Variants in SOS2 observed in about 807,000 individuals in gnomAD.
SOS2 encodes son of sevenless homolog 2.
Under a neutral mutation model 148.2 loss-of-function variants are expected in SOS2, and 65 were observed. That is an observed-to-expected ratio of 0.44 (90% CI 0.36 to 0.54). SOS2 has a LOEUF of 0.54. Among genes scored for constraint, SOS2 ranks in the 20% least tolerant of loss-of-function variants. The probability of loss-of-function intolerance (pLI) is 0.00; values close to 1 mark genes in which losing one functional copy is unlikely to be tolerated. For synonymous variants in SOS2, 539 were observed against 537.1 expected, an observed-to-expected ratio of 1.00 and a Z score of -0.05; for missense variants, 1,341 against 1,590.2, an observed-to-expected ratio of 0.84 and a Z score of 2.67.
At chr14:50,212,432 C>T (rs1489672544) in intron 1 of SOS2, among the ~76,000 whole-genome samples, 1 of 152,190 alleles carries the variant, frequency 6.6e-6, no homozygotes, top group Non-Finnish European at 1.5e-5. Flanking sequence ...AAAGATCATG[C>T]CACTGCACTC....
At chr14:50,149,966 G>T in intron 14 of SOS2, 42 bp downstream of exon 14, 1 of 1,353,544 alleles carries the variant, frequency 7.4e-7, no homozygotes, top group Non-Finnish European at 1.1e-6. Context: ...TAATGTTCAA[G>T]ATTCTTAAAA....
At chr14:50,174,427 C>G in intron 8 of SOS2, 27 bp downstream of exon 8, 10 of 1,303,360 alleles carry the variant, frequency 7.7e-6, no homozygotes, top group Non-Finnish European at 1.1e-5. Context: ...TAGATAAGTA[C>G]TTTGAGATTC....
At chr14:50,170,587 C>T (rs551706767) in intron 8 of SOS2, among the ~76,000 whole-genome samples, 7 of 151,932 alleles carry the variant, frequency 4.6e-5, no homozygotes, top group East Asian at 3.9e-4. Flanking sequence ...GTGGGAGGGT[C>T]GCCTGAGCCC....
chr14:50,165,288 C>T (rs944482345), intron 8 of SOS2, among the ~76,000 whole-genome samples: 2 of 152,032 alleles, frequency 1.3e-5, no homozygotes, highest in African/African-American at 4.8e-5. Context: ...TAATATTTTC[C>T]CCCAAAACAG....
chr14:50,182,687 G>A, intron 5 of SOS2, 81 bp from the exon 6 acceptor site: 1 of 1,100,190 alleles, frequency 9.1e-7, no homozygotes, highest in South Asian at 1.4e-5. Flanking sequence ...AGCAATATAG[G>A]CTACTCGAGG....
intron 1 of SOS2, among the ~76,000 whole-genome samples, chr14:50,216,983 A>G (rs1186680039): frequency 6.6e-6 from 1 of 152,186 alleles, no homozygotes; most frequent in African/African-American, 2.4e-5. Context: ...GGAAATACAA[A>G]GGTCCTAGAA....
At chr14:50,203,266 G>T (rs1009326246) in intron 2 of SOS2, among the ~76,000 whole-genome samples, 17 of 152,216 alleles carry the variant, frequency 1.1e-4, no homozygotes, top group African/African-American at 4.1e-4. Context: ...TGCTTGGGAG[G>T]CTGAGGCAGG....
chr14:50,119,276 CCAA>C (rs1205389611), intron 22 of SOS2, among the ~76,000 whole-genome samples: 1 of 152,134 alleles, frequency 6.6e-6, no homozygotes, highest in African/African-American at 2.4e-5. Context: ...GATCCAGAGA[CCAA>C]CAACATCAGC....
chr14:50,202,300 G>T (rs1886517916), intron 2 of SOS2, among the ~76,000 whole-genome samples: 1 of 152,144 alleles, frequency 6.6e-6, no homozygotes, highest in Non-Finnish European at 1.5e-5. Context: ...TGATTCATTG[G>T]CATGAAAAAC....
intron 1 of SOS2, 68 bp from the exon 2 acceptor site, chr14:50,204,477 T>A (rs1427347649): frequency 7.5e-6 from 7 of 937,440 alleles, no homozygotes; most frequent in South Asian, 3.2e-5. Context: ...TCAAAGAGAA[T>A]CTTATATATA....
At chr14:50,207,467 T>C (rs1220916998) in intron 1 of SOS2, among the ~76,000 whole-genome samples, 3 of 151,530 alleles carry the variant, frequency 2.0e-5, no homozygotes, top group African/African-American at 7.3e-5. Context: ...GACATGATGG[T>C]GCCACTGCGC....
intron 7 of SOS2, among the ~76,000 whole-genome samples, chr14:50,178,269 A>C (rs1885591980): frequency 6.6e-6 from 1 of 151,992 alleles, no homozygotes; most frequent in Admixed American, 6.6e-5. Flanking sequence ...CAGGAGATCT[A>C]GTTGTTTAAA....
intron 4 of SOS2, among the ~76,000 whole-genome samples, chr14:50,198,559 G>A (rs771454143): frequency 6.6e-6 from 1 of 152,102 alleles, no homozygotes; most frequent in Non-Finnish European, 1.5e-5. Flanking sequence ...TAAATCTCTG[G>A]GGGTGATATG....
intron 22 of SOS2, among the ~76,000 whole-genome samples, chr14:50,119,803 CTTTTTTT>C (rs59325250): frequency 5.8e-5 from 4 of 68,496 alleles, no homozygotes; most frequent in African/African-American, 1.9e-4. Flanking sequence ...CCCAACCAGC[CTTTTTTT>C]TTTTTTTTTT....
At chr14:50,131,561 G>A (rs1308180416) in intron 19 of SOS2, among the ~76,000 whole-genome samples, 1 of 146,604 alleles carries the variant, frequency 6.8e-6, no homozygotes, top group Admixed American at 6.7e-5. Context: ...AACATATCTA[G>A]TTTGAGATAC....
intron 2 of SOS2, among the ~76,000 whole-genome samples, chr14:50,203,834 C>A (rs1886581164): frequency 6.7e-6 from 1 of 150,240 alleles, no homozygotes; most frequent in Non-Finnish European, 1.5e-5. Flanking sequence ...CCCGCCTCAG[C>A]CAAAGTACTG....
intron 12 of SOS2, among the ~76,000 whole-genome samples, chr14:50,154,040 T>G (rs924782768): frequency 6.6e-6 from 1 of 151,190 alleles, no homozygotes; most frequent in Non-Finnish European, 1.5e-5. Flanking sequence ...CAAAGAGAGA[T>G]TTAATCAACT....
At position 50,200,943 on chromosome 14, in the gene SOS2, C is replaced by A; in HGVS notation, c.345+10G>T. The A allele has an allele frequency of 6.2e-7, 1 of 1,612,980 alleles. No homozygotes were observed. The highest frequency in any genetic ancestry group is 8.5e-7 in the Non-Finnish European group (1 of 1,179,370). On this transcript the variant is annotated intron_variant, in intron 3 of 22. Transcript: ENST00000216373. ...GAACACCCCCCAACTAATGTTTAAT[C>A]TTTTGTTACCTTCAACGAAGGATGG...
chr14:50,215,734 AC>A (rs1482262435), intron 1 of SOS2, among the ~76,000 whole-genome samples: 1 of 152,104 alleles, frequency 6.6e-6, no homozygotes, highest in Non-Finnish European at 1.5e-5. Flanking sequence ...ATAAAAAAAA[AC>A]AAAAAACAAA....
Sources: allele counts gnomAD v4.1 joint callset (sites outside exome capture counted in the v4.1 genomes callset), GRCh38; gene constraint gnomAD v4.1.1; transcripts MANE v1.5; gene names NCBI Gene and HGNC (gene_info 2026-07-23, HGNC 2026-07-21).